The following CDH13 variants were observed in gnomAD, a reference collection of about 807,000 sequenced individuals.
CDH13 encodes the protein cadherin-13.
A neutral mutation model predicts 63.8 loss-of-function variants in CDH13; 24 were observed. The observed-to-expected ratio is 0.38, with a 90% CI of 0.27 to 0.53. CDH13 has a LOEUF of 0.53. CDH13 is among the 20% of genes least tolerant of loss of function. The probability of loss-of-function intolerance (pLI) is 0.85; values close to 1 mark genes in which losing one functional copy is unlikely to be tolerated. For missense variants in CDH13, 1,049 were observed against 903.1 expected (o/e 1.16, Z -2.07); for synonymous variants, 503 against 355.3 (o/e 1.42, Z -4.67).
At chr16:83,312,862 TTGACCTCAGAAAATC>T (rs1347861988) in intron 5 of CDH13, among the ~76,000 whole-genome samples, 92 of 152,178 alleles carry the variant, frequency 6.0e-4, no homozygotes, top group Admixed American at 6.0e-3. Context: ...CCAGGAGAAT[TTGACCTCAGAAAATC>T]TGCACTTAAA....
intron 5 of CDH13, among the ~76,000 whole-genome samples, chr16:83,313,573 T>C (rs1410243170): frequency 6.7e-6 from 1 of 149,644 alleles, no homozygotes; most frequent in Non-Finnish European, 1.5e-5. Context: ...CCCCAGGCCA[T>C]GGTAGATTTT....
At chr16:83,054,882 A>G (rs1283986173) in intron 3 of CDH13, among the ~76,000 whole-genome samples, 2 of 152,084 alleles carry the variant, frequency 1.3e-5, no homozygotes, top group Admixed American at 1.3e-4. Flanking sequence ...TACAAAAACT[A>G]AGGGTATGCA....
At chr16:82,952,257 C>T (rs547125178) in intron 2 of CDH13, among the ~76,000 whole-genome samples, 1 of 152,234 alleles carries the variant, frequency 6.6e-6, no homozygotes, top group South Asian at 2.1e-4. Context: ...TGTCATGTAC[C>T]ATCTGAGCGT....
chr16:83,619,720 C>T (rs1909632272), intron 8 of CDH13, among the ~76,000 whole-genome samples: 2 of 152,244 alleles, frequency 1.3e-5, no homozygotes, highest in African/African-American at 4.8e-5. Flanking sequence ...GGACACCAGT[C>T]ATATTTGACT....
intron 8 of CDH13, among the ~76,000 whole-genome samples, chr16:83,649,597 C>A (rs1466152147): frequency 6.6e-6 from 1 of 151,982 alleles, no homozygotes; most frequent in African/African-American, 2.4e-5. Context: ...GAGTACATAG[C>A]CGGTGGGAGC....
chr16:83,623,666 C>T (rs956606356), intron 8 of CDH13, among the ~76,000 whole-genome samples: 1 of 152,174 alleles, frequency 6.6e-6, no homozygotes, highest in African/African-American at 2.4e-5. Context: ...AGAGCCAGAA[C>T]CAGTTAGCTG....
At chr16:83,447,625 A>T (rs2072750027) in intron 6 of CDH13, among the ~76,000 whole-genome samples, 1 of 152,090 alleles carries the variant, frequency 6.6e-6, no homozygotes. Flanking sequence ...AAGCGTGTGA[A>T]AACAGGTCAA....
intron 2 of CDH13, among the ~76,000 whole-genome samples, chr16:82,906,618 G>A (rs1004430152): frequency 7.2e-5 from 11 of 152,244 alleles, no homozygotes; most frequent in Admixed American, 6.5e-4. Context: ...TAGTTTCCGA[G>A]AGCTGGAGTA....
intron 7 of CDH13, among the ~76,000 whole-genome samples, chr16:83,550,241 G>T (rs551564684): frequency 2.6e-5 from 4 of 152,158 alleles, no homozygotes; most frequent in Non-Finnish European, 5.9e-5. Context: ...GGAATCTCTT[G>T]GTCAGCTGGC....
At chr16:83,463,607 T>A (rs2073234672) in intron 6 of CDH13, among the ~76,000 whole-genome samples, 2 of 152,136 alleles carry the variant, frequency 1.3e-5, no homozygotes, top group African/African-American at 4.8e-5. Flanking sequence ...TCAAGACCAG[T>A]CTGGGCAACA....
At chr16:83,085,215 G>A (rs374777689) in intron 3 of CDH13, among the ~76,000 whole-genome samples, 97 of 152,042 alleles carry the variant, frequency 6.4e-4, no homozygotes, top group African/African-American at 2.2e-3. Flanking sequence ...TGGCGGCAAG[G>A]GAACATGAGA....
At chr16:83,426,243 G>A (rs2071891988) in intron 6 of CDH13, among the ~76,000 whole-genome samples, 1 of 152,082 alleles carries the variant, frequency 6.6e-6, no homozygotes, top group African/African-American at 2.4e-5. Flanking sequence ...CTAGGGCTCT[G>A]GATTCTGGTT....
At chr16:83,309,839 G>A (rs1176075291) in intron 5 of CDH13, among the ~76,000 whole-genome samples, 1 of 151,686 alleles carries the variant, frequency 6.6e-6, no homozygotes, top group Non-Finnish European at 1.5e-5. Context: ...TGTCTTTGTG[G>A]ACTTCAGAAG....
intron 5 of CDH13, among the ~76,000 whole-genome samples, chr16:83,341,313 T>C (rs1056652818): frequency 6.6e-6 from 1 of 152,206 alleles, no homozygotes; most frequent in African/African-American, 2.4e-5. Context: ...TACTGGAGGA[T>C]GCGCTGGAAT....
intron 4 of CDH13, among the ~76,000 whole-genome samples, chr16:83,156,169 T>G (rs1288331587): frequency 6.6e-6 from 1 of 152,188 alleles, no homozygotes; most frequent in African/African-American, 2.4e-5. Flanking sequence ...ATAGCGTGGT[T>G]ATAAATTAAA....
At chr16:82,909,973 C>G (rs533820887) in intron 2 of CDH13, among the ~76,000 whole-genome samples, 1 of 152,264 alleles carries the variant, frequency 6.6e-6, no homozygotes, top group East Asian at 1.9e-4. Context: ...CCCTCCCTGC[C>G]TTCTTGGAGT....
intron 6 of CDH13, among the ~76,000 whole-genome samples, chr16:83,434,217 C>T (rs1279236835): frequency 6.6e-6 from 1 of 152,112 alleles, no homozygotes; most frequent in African/African-American, 2.4e-5. Context: ...GCTCCAGTTT[C>T]AAGATGGACC....
intron 1 of CDH13, among the ~76,000 whole-genome samples, chr16:82,639,131 C>T (rs950681684): frequency 6.6e-6 from 1 of 152,098 alleles, no homozygotes; most frequent in African/African-American, 2.4e-5. Context: ...TAAAAGTTGC[C>T]TTTCCCACTC....
intron 6 of CDH13, among the ~76,000 whole-genome samples, chr16:83,402,558 A>G (rs2091984102): frequency 6.6e-6 from 1 of 152,192 alleles, no homozygotes; most frequent in Non-Finnish European, 1.5e-5. Context: ...GTCTCTCCTC[A>G]AAGGATAGTC....
Sources: allele counts gnomAD v4.1 joint callset (sites outside exome capture counted in the v4.1 genomes callset), GRCh38; gene constraint gnomAD v4.1.1; transcripts MANE v1.5; gene names NCBI Gene and HGNC (gene_info 2026-07-23, HGNC 2026-07-21).